The following AASS variants were observed in gnomAD, a reference collection of about 807,000 sequenced individuals.
AASS encodes alpha-aminoadipic semialdehyde synthase, mitochondrial.
A neutral mutation model predicts 105.4 loss-of-function variants in AASS; 86 were observed. The ratio of observed to expected loss-of-function variants is 0.82; its 90% CI spans 0.69 to 0.98. The LOEUF (loss-of-function observed/expected upper bound fraction) is 0.98. AASS is among the 50% of genes least tolerant of loss of function. The pLI is 0.00. For missense variants in AASS, 1,048 were observed against 1,143.2 expected, an observed-to-expected ratio of 0.92 and a Z score of 1.20; for synonymous variants, 381 against 394.8, an observed-to-expected ratio of 0.96 and a Z score of 0.41.
intron 4 of AASS, among the ~76,000 whole-genome samples, chr7:122,122,349 G>A (rs1368925301): frequency 1.3e-5 from 2 of 152,154 alleles, no homozygotes; most frequent in Non-Finnish European, 2.9e-5. Context: ...GACAGGTGGT[G>A]AACAAATGCT....
intron 4 of AASS, among the ~76,000 whole-genome samples, chr7:122,120,093 T>C (rs770206667): frequency 1.3e-5 from 2 of 152,230 alleles, no homozygotes; most frequent in African/African-American, 2.4e-5. Flanking sequence ...TGTATCAGTA[T>C]AGTCTTTTAT....
At chr7:122,106,600 C>A (rs1794677530) in intron 11 of AASS, among the ~76,000 whole-genome samples, 1 of 151,972 alleles carries the variant, frequency 6.6e-6, no homozygotes, top group Admixed American at 6.6e-5. Flanking sequence ...AAAATAAGGC[C>A]ACACATCTTC....
At position 122,076,607 on chromosome 7, in the gene AASS, C is replaced by T. The variant is rs762517503; in HGVS notation, c.2663G>A (p.Gly888Asp). 5 of 1,593,470 alleles carry T rather than the reference C, an allele frequency of 3.1e-6. No individual in the cohort carries two copies. In the East Asian group the frequency reaches 1.1e-4, roughly 36 times the overall value. Residue 888 changes from glycine to aspartate, a missense_variant and splice_region_variant, in exon 24 of 24, where the codon GGT (glycine) becomes GAT (aspartate). Transcript: ENST00000417368. ...CATTAGGCCTTTGGCTCCAATTTCA[C>T]CTGGAAGAAAATAAATGTGTAATTA... ...TAMAAKMLLD[G>D]EIGAKGLMGP...
At chr7:122,105,642 GAA>G (rs1794633894) in intron 11 of AASS, among the ~76,000 whole-genome samples, 1 of 151,864 alleles carries the variant, frequency 6.6e-6, no homozygotes, top group African/African-American at 2.4e-5. Flanking sequence ...AGTCAATAGA[GAA>G]ACTAAAAGGG....
At chr7:122,101,504 T>C in intron 12 of AASS, 66 bp from the exon 13 acceptor site, 1 of 1,505,280 alleles carries the variant, frequency 6.6e-7, no homozygotes, top group Non-Finnish European at 9.2e-7. Context: ...CAAGGTGTCA[T>C]GACTGATAGA....
At chr7:122,143,784 C>A (rs1346688787) in intron 1 of AASS, among the ~76,000 whole-genome samples, 1 of 152,120 alleles carries the variant, frequency 6.6e-6, no homozygotes, top group Non-Finnish European at 1.5e-5. Flanking sequence ...TCCTCAGCTT[C>A]ATCAGTTCTT....
intron 11 of AASS, among the ~76,000 whole-genome samples, chr7:122,103,399 C>T (rs960071161): frequency 4.6e-5 from 7 of 151,928 alleles, no homozygotes; most frequent in Admixed American, 6.6e-5. Context: ...TAAACTCTTT[C>T]CCAGACAAGC....
In AASS at chr7:122,086,042, G is replaced by A; in HGVS notation, c.2154C>T (p.His718=). The change falls in exon 19 of 24, where the codon CAC becomes CAT. Residue 718 remains histidine (H), a synonymous_variant. Coordinates refer to ENST00000417368, the MANE Select transcript of AASS (RefSeq NM_005763.4). ...ATCTCAGTGTCCCCCGCAACAAAGT[G>A]TGAGCAGAAGAAATGCCATAAATCT... is the stretch of plus-strand genomic sequence containing the variant. ...YAEIYGISSA[H]TLLRGTLRYK... 9.9e-6 allele frequency: 16 copies of A among 1,613,590 alleles called. No homozygotes were observed. The highest frequency in any genetic ancestry group is 1.4e-5 in the Non-Finnish European group (16 of 1,179,742).
chr7:122,122,849 T>A (rs942457193), intron 4 of AASS, among the ~76,000 whole-genome samples: 1 of 152,212 alleles, frequency 6.6e-6, no homozygotes, highest in African/African-American at 2.4e-5. Flanking sequence ...TATGTTTCCA[T>A]TTAAAACGTG....
rs545479645 is a variant in AASS, at chr7:122,084,842, C to T, written c.2184+1170G>A. Among the ~76,000 whole-genome samples the T allele has an allele frequency of 3.9e-5, 6 of 151,922 alleles. No individual in the cohort carries two copies. In the South Asian group the frequency reaches 1.3e-3, roughly 32 times the overall value. On this transcript the variant is annotated intron_variant, in intron 19 of 23. Coordinates refer to ENST00000417368, the MANE Select transcript of AASS (RefSeq NM_005763.4). ...TAGATAACACACATGAGACAAATCC[C>T]CTCTCTGGCCTTAGCCAGGAAATCT...
In AASS at chr7:122,098,826, C is replaced by T. The variant is rs1020917268; in HGVS notation, c.1447G>A (p.Val483Ile). ...ATGTAGCCAGATCCAAGAACCAAAA[C>T]CTTTCTCCTGGTGCCCATTGAAAGT... ...QSLSMGTRRK[V>I]LVLGSGYISE... The change falls in exon 14 of 24, where the codon GTT becomes ATT. Residue 483 changes from valine (V) to isoleucine (I), a missense_variant. By Grantham distance (29) the Val-to-Ile change is conservative (BLOSUM62 3). Coordinates refer to ENST00000417368, the MANE Select transcript of AASS (RefSeq NM_005763.4). 6.3e-7 allele frequency: 1 copy of T among 1,594,990 alleles called. No individual in the cohort carries two copies. Among genetic ancestry groups the T allele is most frequent in the African/African-American group, 1.4e-5 (1 of 72,614 alleles).
chr7:122,122,318 A>G (rs1028301539), intron 4 of AASS, among the ~76,000 whole-genome samples: 6 of 150,888 alleles, frequency 4.0e-5, no homozygotes, highest in Admixed American at 1.3e-4. Flanking sequence ...AAAGACTGAG[A>G]AAAAAAAACA....
intron 11 of AASS, among the ~76,000 whole-genome samples, chr7:122,111,505 G>T (rs1194583882): frequency 6.6e-6 from 1 of 152,120 alleles, no homozygotes; most frequent in Non-Finnish European, 1.5e-5. Context: ...CATCAAAAAT[G>T]GTAAACACCT....
chr7:122,111,982 A>G (rs1794962488), intron 11 of AASS, among the ~76,000 whole-genome samples: 1 of 152,184 alleles, frequency 6.6e-6, no homozygotes, highest in Non-Finnish European at 1.5e-5. Flanking sequence ...TCTGAGGCTC[A>G]GAAAGGAAGT....
chr7:122,082,779 G>C, intron 19 of AASS: 1 of 1,266,292 alleles, frequency 7.9e-7, no homozygotes, highest in Non-Finnish European at 1.0e-6. Context: ...CAAAAGAAGG[G>C]GAACTCACAT....
intron 1 of AASS, among the ~76,000 whole-genome samples, chr7:122,138,581 T>G (rs1796255369): frequency 1.3e-5 from 2 of 152,078 alleles, no homozygotes; most frequent in South Asian, 4.1e-4. Flanking sequence ...AAAACTTGGA[T>G]AAGAAGGAAC....
intron 11 of AASS, among the ~76,000 whole-genome samples, chr7:122,112,684 C>T (rs918697847): frequency 6.6e-6 from 1 of 152,122 alleles, no homozygotes; most frequent in Non-Finnish European, 1.5e-5. Flanking sequence ...AAGAAAAATA[C>T]ATGACCTCAA....
At chr7:122,093,318 T>C (rs1345638659) in intron 15 of AASS, among the ~76,000 whole-genome samples, 160 bp from the exon 16 acceptor site, 4 of 152,196 alleles carry the variant, frequency 2.6e-5, no homozygotes, top group Non-Finnish European at 5.9e-5. Flanking sequence ...TGTAAATTAG[T>C]TCAGCTGCTA....
At chr7:122,109,384 A>G (rs1297711898) in intron 11 of AASS, among the ~76,000 whole-genome samples, 13 of 152,114 alleles carry the variant, frequency 8.5e-5, no homozygotes. Context: ...GCATCACACT[A>G]CCTGACTTCA....
Sources: allele counts gnomAD v4.1 joint callset (sites outside exome capture counted in the v4.1 genomes callset), GRCh38; gene constraint gnomAD v4.1.1; transcripts MANE v1.5; gene names NCBI Gene and HGNC (gene_info 2026-07-23, HGNC 2026-07-21).